Variants in SNX31 observed in about 807,000 individuals in gnomAD.
SNX31 encodes the protein sorting nexin-31.
Under a neutral mutation model 65.4 loss-of-function variants are expected in SNX31, and 58 were observed. The observed-to-expected ratio is 0.89, with a 90% CI of 0.72 to 1.10. SNX31 has a LOEUF of 1.10. Among genes scored for constraint, SNX31 ranks in the 50% least tolerant of loss-of-function variants. SNX31 has a pLI of 0.00. For missense variants in SNX31, 523 were observed against 529.7 expected (o/e 0.99, Z 0.12); for synonymous variants, 181 against 190.1 (o/e 0.95, Z 0.39).
chr8:100,577,764 A>T (rs1813167994), intron 12 of SNX31, among the ~76,000 whole-genome samples: 1 of 152,186 alleles, frequency 6.6e-6, no homozygotes, highest in Non-Finnish European at 1.5e-5. Flanking sequence ...TGTAGCTATA[A>T]GGAGGAGAGA....
chr8:100,585,914 G>A (rs1813998425), intron 11 of SNX31, among the ~76,000 whole-genome samples: 1 of 152,112 alleles, frequency 6.6e-6, no homozygotes, highest in African/African-American at 2.4e-5. Context: ...CAAAGCAAAA[G>A]GATCGAGTTG....
rs1586989916 is a variant in SNX31, at chr8:100,622,700, A to G, written c.322-4970T>C. ...AATAAATAAATAAATAAATAAAAAT[A>G]AAAATAAATTAAATGGGGGCATTTA... On this transcript the variant is annotated intron_variant, in intron 4 of 13. Coordinates refer to ENST00000311812, the MANE Select transcript of SNX31 (RefSeq NM_152628.4). This position sits in a 1 kb window ranked among gnomAD's most constrained non-coding sequence, Gnocchi z 5.0. Among the ~76,000 whole-genome samples, 1 of 151,980 alleles carries G rather than the reference A, an allele frequency of 6.6e-6. No homozygotes were observed. Among genetic ancestry groups the G allele is most frequent in the Admixed American group, 6.6e-5 (1 of 15,266 alleles).
rs1260903306 is a variant in SNX31 at position 100,594,194 on chromosome 8, C to A, written c.978+2445G>T. On this transcript the variant is annotated intron_variant, in intron 10 of 13. Transcript: ENST00000311812. This position sits in a 1 kb window ranked among gnomAD's most constrained non-coding sequence, Gnocchi z 4.0. ...TGGTGCATGCCTGTAATCCCAGCTA[C>A]TTGGGAGGCTGAGGCAGGAGAATCC... Among the ~76,000 whole-genome samples the A allele has an allele frequency of 1.3e-5, 2 of 152,100 alleles. No homozygotes were observed. The highest frequency in any genetic ancestry group is 4.8e-5 in the African/African-American group (2 of 41,420).
chr8:100,638,093 C>A (rs1818904868), intron 2 of SNX31, among the ~76,000 whole-genome samples: 1 of 152,164 alleles, frequency 6.6e-6, no homozygotes, highest in Admixed American at 6.5e-5. Context: ...TTGCTTGAGC[C>A]CAGGAGTTCA....
At chr8:100,615,262 G>C (rs1300160781) in intron 5 of SNX31, among the ~76,000 whole-genome samples, 1 of 152,168 alleles carries the variant, frequency 6.6e-6, no homozygotes, top group Non-Finnish European at 1.5e-5. Flanking sequence ...TATGCTATTA[G>C]TTTCAAGGGA....
chr8:100,581,132 C>CA (rs60802013), intron 12 of SNX31, among the ~76,000 whole-genome samples: 2,320 of 79,566 alleles, frequency 0.029, 56 homozygotes, highest in African/African-American at 0.072. Flanking sequence ...CTTACCTCTA[C>CA]AAAAAAAAAA....
chr8:100,603,234 T>C (rs2469665), intron 8 of SNX31, among the ~76,000 whole-genome samples: 50,585 of 151,906 alleles, frequency 0.33, 8,646 homozygotes, highest in Admixed American at 0.43. Flanking sequence ...TCCTGAATTG[T>C]ACTTGATGGT....
At chr8:100,582,015 TC>T (rs1302801912) in intron 12 of SNX31, among the ~76,000 whole-genome samples, 2 of 152,102 alleles carry the variant, frequency 1.3e-5, no homozygotes, top group African/African-American at 4.8e-5. Flanking sequence ...AACTTTTCAT[TC>T]CAAGAGCCAA....
chr8:100,584,940 G>A (rs531683732), intron 11 of SNX31, among the ~76,000 whole-genome samples: 2 of 151,802 alleles, frequency 1.3e-5, no homozygotes, highest in Non-Finnish European at 2.9e-5. Context: ...GGCCAGGCTG[G>A]TCTCAAATTC....
intron 13 of SNX31, among the ~76,000 whole-genome samples, chr8:100,574,331 A>G (rs1174814053): frequency 6.6e-6 from 1 of 152,100 alleles, no homozygotes; most frequent in African/African-American, 2.4e-5. Flanking sequence ...ACAAATACAA[A>G]CTTTAAAAAA....
intron 2 of SNX31, among the ~76,000 whole-genome samples, chr8:100,638,545 T>C (rs1818936238): frequency 6.6e-6 from 1 of 152,232 alleles, no homozygotes; most frequent in South Asian, 2.1e-4. Context: ...TTTTTGGTGG[T>C]TGGTTGTTTG....
chr8:100,637,886 G>A (rs1156895820), intron 2 of SNX31, among the ~76,000 whole-genome samples: 1 of 152,128 alleles, frequency 6.6e-6, no homozygotes, highest in Non-Finnish European at 1.5e-5. Flanking sequence ...AGTAGAGACG[G>A]GGTTTTGCCA....
At position 100,576,531 on chromosome 8, in the gene SNX31, T is replaced by C. The variant is rs901028731; in HGVS notation, c.1227+488A>G. Among the ~76,000 whole-genome samples the C allele has an allele frequency of 4.6e-5, 7 of 152,182 alleles. No individual in the cohort carries two copies. Among genetic ancestry groups the C allele is most frequent in the African/African-American group, 1.7e-4 (7 of 41,440 alleles). On this transcript the variant is annotated intron_variant, in intron 13 of 13. Coordinates refer to ENST00000311812, the MANE Select transcript of SNX31 (RefSeq NM_152628.4). The surrounding 1 kb of genome is among the most constrained non-coding windows in gnomAD (Gnocchi z 4.8). ...CTGTGAAGGAATGTGTTAATTCACA[T>C]AAAAGTGCTTAGAATACTGCCTGGC...
rs536985378 is a variant in SNX31 at position 100,596,817 on chromosome 8, C to T, written c.800G>A (p.Arg267Gln). ...ATCCAGCTGCAGGTATCCATAGTGC[C>T]GTACCTCCCGGGCCAGCTCCAAAAA... is the stretch of plus-strand genomic sequence containing the variant. ...TKFLELAREV[R>Q]HYGYLQLDPC... The change falls in exon 10 of 14, where the codon CGG becomes CAG. Residue 267 changes from arginine to glutamine, a missense_variant. Transcript: ENST00000311812. 1.7e-5 allele frequency: 27 copies of T among 1,608,436 alleles called. No homozygotes were observed. Among genetic ancestry groups the T allele is most frequent in the Admixed American group, 8.4e-5 (5 of 59,788 alleles).
chr8:100,627,061 T>C (rs919853765), intron 4 of SNX31, among the ~76,000 whole-genome samples: 9 of 152,076 alleles, frequency 5.9e-5, no homozygotes, highest in Non-Finnish European at 1.3e-4. Context: ...GAAAATAAGA[T>C]ACACAAAACT....
At chr8:100,661,109 G>A (rs1465918431) in intron 1 of SNX31, among the ~76,000 whole-genome samples, 4 of 150,642 alleles carry the variant, frequency 2.7e-5, no homozygotes, top group African/African-American at 9.8e-5. Flanking sequence ...AGGTTCAAGC[G>A]ATTCTCCTGC....
At position 100,593,588 on chromosome 8, in the gene SNX31, G is replaced by A. The variant is rs183470969; in HGVS notation, c.978+3051C>T. On this transcript the variant is annotated intron_variant, in intron 10 of 13. Coordinates refer to ENST00000311812, the MANE Select transcript of SNX31 (RefSeq NM_152628.4). ...CCTGCCTCAGCCTCCCAAGTAGCTG[G>A]GATTACAGATGCGCCCCACCACGCC... Among the ~76,000 whole-genome samples the A allele has an allele frequency of 9.5e-3, 1,440 of 152,162 alleles. 7 individuals carry two copies. The highest frequency in any genetic ancestry group is 0.016 in the Non-Finnish European group (1,069 of 68,014).
chr8:100,588,768 C>T lies in SNX31; in HGVS notation c.1092+98G>A, dbSNP rs1586865726. On this transcript the variant is annotated intron_variant, in intron 11 of 13. Coordinates refer to ENST00000311812, the MANE Select transcript of SNX31 (RefSeq NM_152628.4). The surrounding 1 kb of genome is among the most constrained non-coding windows in gnomAD (Gnocchi z 4.8). Reference sequence around the variant, plus strand: ...AGAGTGCATAGAACACTTTAGGGTCCTGCTCTAGTTGGGTTAGGGTCATGT... The same window carrying T: ...AGAGTGCATAGAACACTTTAGGGTCTTGCTCTAGTTGGGTTAGGGTCATGT... The T allele has an allele frequency of 6.4e-6, 5 of 775,704 alleles. No individual in the cohort carries two copies. In the East Asian group the frequency reaches 1.3e-4, roughly 20 times the overall value. The allele number at this position is 775,704 out of a possible 1,614,324, so 48.1% of individuals were successfully genotyped here.
At chr8:100,579,873 T>C (rs1813344348) in intron 12 of SNX31, among the ~76,000 whole-genome samples, 1 of 152,060 alleles carries the variant, frequency 6.6e-6, no homozygotes, top group African/African-American at 2.4e-5. Flanking sequence ...ATATAAATTG[T>C]TTCTTGCCAG....
Sources: allele counts gnomAD v4.1 joint callset (sites outside exome capture counted in the v4.1 genomes callset), GRCh38; gene constraint gnomAD v4.1.1; non-coding constraint Gnocchi (gnomAD v3.1); transcripts MANE v1.5; gene names NCBI Gene and HGNC (gene_info 2026-07-23, HGNC 2026-07-21).